Variants in SH2B1 observed in about 807,000 individuals in gnomAD.
The protein encoded by SH2B1 is SH2B adaptor protein 1.
In SH2B1, 15 loss-of-function variants were observed where a neutral mutation model predicts 62.6. The observed-to-expected ratio is 0.24, with a 90% CI of 0.16 to 0.37. The LOEUF is 0.37. Ranked by LOEUF, SH2B1 falls within the 10% of genes least tolerant of loss-of-function variation. The pLI is 1.00. For missense variants in SH2B1, 925 were observed against 1,015.6 expected, an observed-to-expected ratio of 0.91 and a Z score of 1.21; for synonymous variants, 443 against 438.0, an observed-to-expected ratio of 1.01 and a Z score of -0.14.
rs1962578469 is a variant in SH2B1, at chr16:28,864,482, A to G, written c.-1613A>G. ...TGCTCCATGACTCCTGCATCTCCTG[A>G]TTGTTTCTCGTTGGTTTGGAGTTGT... is the stretch of plus-strand genomic sequence containing the variant. On this transcript the variant is annotated 5_prime_UTR_variant, in exon 1 of 8. Transcript: ENST00000684370. 1.0e-6 allele frequency: 1 copy of G among 985,086 alleles called. No individual in the cohort carries two copies. The highest frequency in any genetic ancestry group is 4.7e-5 in the South Asian group (1 of 21,284). 61.0% of individuals were successfully genotyped at this position (985,086 alleles called of 1,614,324 possible). A position where few individuals can be genotyped will look rare whatever the true frequency, so the allele number is the denominator to read the frequency against.
At chr16:28,850,097 A>G (rs968165974) in intron 1 of SH2B1, among the ~76,000 whole-genome samples, 52 of 152,180 alleles carry the variant, frequency 3.4e-4, no homozygotes, top group African/African-American at 1.2e-3. Flanking sequence ...CTCAGTCAGA[A>G]GTCTTGACTT....
At chr16:28,850,862 G>GA (rs565938904) in intron 1 of SH2B1, among the ~76,000 whole-genome samples, 5,504 of 70,986 alleles carry the variant, frequency 0.078, 391 homozygotes, top group African/African-American at 0.2. Context: ...GACTCCATCT[G>GA]AAAAAAAAAA....
intron 1 of SH2B1, among the ~76,000 whole-genome samples, chr16:28,855,126 G>A (rs937052731): frequency 3.4e-5 from 5 of 147,706 alleles, no homozygotes; most frequent in African/African-American, 7.5e-5. Context: ...TGCCCACCTT[G>A]GCCTCTGAAG....
In SH2B1 at chr16:28,864,784, A is replaced by G. The variant is rs1962595497; in HGVS notation, c.-1311A>G. ...CCTTGAGAGGGCTCCTCCTTTCTCT[A>G]ATTTCTATTTTAGAAAATTGGAACA... On this transcript the variant is annotated 5_prime_UTR_variant, in exon 1 of 8. Transcript: ENST00000684370. 1 of 456,282 alleles carries G rather than the reference A, an allele frequency of 2.2e-6. No homozygotes were observed. Among genetic ancestry groups the G allele is most frequent in the Non-Finnish European group, 2.9e-6 (1 of 346,926 alleles). The allele number at this position is 456,282 out of a possible 1,614,324, so 28.3% of individuals were successfully genotyped here.
intron 4 of SH2B1, 79 bp downstream of exon 4, chr16:28,869,462 C>T (rs1021974222): frequency 7.7e-7 from 1 of 1,300,606 alleles, no homozygotes; most frequent in Non-Finnish European, 1.1e-6. Context: ...CATGCCCTCT[C>T]CAGACGCCAC....
chr16:28,855,615 G>A (rs1027185533), intron 1 of SH2B1, among the ~76,000 whole-genome samples: 2 of 144,550 alleles, frequency 1.4e-5, no homozygotes, highest in Admixed American at 1.4e-4. Context: ...TCACCAGCTC[G>A]TGGCACTAAG....
At position 28,869,012 on chromosome 16, in the gene SH2B1, G is replaced by A. The variant is rs1962884308; in HGVS notation, c.1048G>A (p.Gly350Ser). 6.2e-7 allele frequency: 1 copy of A among 1,613,868 alleles called. No individual in the cohort carries two copies. Among genetic ancestry groups the A allele is most frequent in the South Asian group, 1.1e-5 (1 of 91,082 alleles). The change falls in exon 3 of 8, where the codon GGT becomes AGT. Residue 350 changes from glycine (G) to serine (S), a missense_variant. This residue lies in a region of SH2B1 where 683 missense variants were observed against 704.0 expected (regional missense o/e 0.97). Transcript: ENST00000684370. ...CGTCGTCTCATCTCTGTAGGTGGAA[G>A]GTCCATCCGAGTATATCATGGAGAC... Reference protein sequence around the residue: ...RENTFVVKVEGPSEYIMETVD... With the variant: ...RENTFVVKVESPSEYIMETVD...
intron 4 of SH2B1, among the ~76,000 whole-genome samples, chr16:28,871,109 C>T (rs1180045435): frequency 6.6e-6 from 1 of 152,008 alleles, no homozygotes; most frequent in African/African-American, 2.4e-5. Context: ...CCTCTGCCTC[C>T]CGGGTTCAAG....
At chr16:28,868,418 G>A (rs1045039001) in intron 2 of SH2B1, among the ~76,000 whole-genome samples, 51 of 152,164 alleles carry the variant, frequency 3.4e-4, no homozygotes, top group African/African-American at 1.1e-3. Context: ...GGGATTATAG[G>A]CGTGAGCCAC....
rs1962189268 is a variant in SH2B1 at position 28,852,805 on chromosome 16, T to TA, written c.-301+5978_-301+5979insA. Among the ~76,000 whole-genome samples, 12 of 59,620 alleles carry TA rather than the reference T, an allele frequency of 2.0e-4. 3 individuals carry two copies. The highest frequency in any genetic ancestry group is 2.4e-4 in the Non-Finnish European group (9 of 37,698). 39.1% of individuals were successfully genotyped at this position (59,620 alleles called of 152,430 possible). A position where few individuals can be genotyped will look rare whatever the true frequency, so the allele number is the denominator to read the frequency against. ...ATTTACATATATATTTACATATATATTTACATATATTTACATATATATTTA... is the reference window on the plus strand; with the variant it reads ...ATTTACATATATATTTACATATATATATTACATATATTTACATATATATTTA... On this transcript the variant is annotated intron_variant, in intron 1 of 10. Coordinates refer to the SH2B1 transcript ENST00000322610.
rs1962589540 is a variant in SH2B1 at position 28,864,693 on chromosome 16, G to A, written c.-1402G>A. On this transcript the variant is annotated 5_prime_UTR_variant, in exon 1 of 8. Coordinates refer to ENST00000684370, the MANE Select transcript of SH2B1 (RefSeq NM_001387430.1). ...CACCTTCCAGTATTGCGTGGCGGGA[G>A]GAGCGCTAACAAGAGCCAAGGGTTG... 2.0e-6 allele frequency: 2 copies of A among 984,174 alleles called. No homozygotes were observed. The highest frequency in any genetic ancestry group is 4.7e-5 in the South Asian group (1 of 21,258). 61.0% of individuals were successfully genotyped at this position (984,174 alleles called of 1,614,324 possible). A position where few individuals can be genotyped will look rare whatever the true frequency, so the allele number is the denominator to read the frequency against.
At chr16:28,871,008 TG>T (rs1962994620) in intron 4 of SH2B1, among the ~76,000 whole-genome samples, 2 of 150,788 alleles carry the variant, frequency 1.3e-5, no homozygotes, top group African/African-American at 4.9e-5. Context: ...TGTGTGTGTG[TG>T]TGTGTGTGTG....
At chr16:28,858,281 G>GT (rs1962366583) in intron 1 of SH2B1, among the ~76,000 whole-genome samples, 1 of 151,984 alleles carries the variant, frequency 6.6e-6, no homozygotes. Context: ...GGGAGGCAGG[G>GT]GTAGGTGGCT....
intron 1 of SH2B1, among the ~76,000 whole-genome samples, chr16:28,852,735 C>CATATATATTT (rs1962179941): frequency 2.6e-4 from 8 of 30,476 alleles, no homozygotes; most frequent in African/African-American, 1.0e-3. Flanking sequence ...TATATATATA[C>CATATATATTT]ATATATATAT....
chr16:28,871,369 C>T (rs762602708), intron 4 of SH2B1, among the ~76,000 whole-genome samples: 1 of 152,116 alleles, frequency 6.6e-6, no homozygotes, highest in Non-Finnish European at 1.5e-5. Context: ...CACGGTGGCT[C>T]ACGCCTGTAA....
chr16:28,865,513 C>G lies in SH2B1; in HGVS notation c.-582C>G, dbSNP rs927067028. On this transcript the variant is annotated 5_prime_UTR_variant, in exon 1 of 8. Coordinates refer to ENST00000684370, the MANE Select transcript of SH2B1 (RefSeq NM_001387430.1). ...TGGCTGAGGCTGGCCCAGCCGGGCC[C>G]TGGGGACAGGGACTATGAAGTGGGG... 1 of 985,520 alleles carries G rather than the reference C, an allele frequency of 1.0e-6. No homozygotes were observed. Among genetic ancestry groups the G allele is most frequent in the African/African-American group, 1.7e-5 (1 of 57,236 alleles). 61.0% of individuals were successfully genotyped at this position (985,520 alleles called of 1,614,324 possible). A position where few individuals can be genotyped will look rare whatever the true frequency, so the allele number is the denominator to read the frequency against.
intron 1 of SH2B1, among the ~76,000 whole-genome samples, chr16:28,853,874 G>A (rs913131879): frequency 6.6e-6 from 1 of 151,442 alleles, no homozygotes; most frequent in African/African-American, 2.4e-5. Context: ...GGTGGTGCAC[G>A]CCTGTAGTCC....
chr16:28,872,912 G>A lies in SH2B1; in HGVS notation c.1897+207G>A, dbSNP rs532645884. 164 of 731,136 alleles carry A rather than the reference G, an allele frequency of 2.2e-4. No individual in the cohort carries two copies. Among genetic ancestry groups the A allele is most frequent in the East Asian group, 4.0e-4 (15 of 37,094 alleles). 45.3% of individuals were successfully genotyped at this position (731,136 alleles called of 1,614,324 possible). ...ACAGGAAGGCAGAAGGCTCCTGGCCGGAGCCGGGGCGGCAGCTGAGAGGTG... is the reference window on the plus strand; with the variant it reads ...ACAGGAAGGCAGAAGGCTCCTGGCCAGAGCCGGGGCGGCAGCTGAGAGGTG... On this transcript the variant is annotated intron_variant, in intron 7 of 7. Coordinates refer to ENST00000684370, the MANE Select transcript of SH2B1 (RefSeq NM_001387430.1). This position sits in a 1 kb window ranked among gnomAD's most constrained non-coding sequence, Gnocchi z 5.3.
At chr16:28,868,191 G>A (rs1411952598) in intron 2 of SH2B1, among the ~76,000 whole-genome samples, 2 of 151,568 alleles carry the variant, frequency 1.3e-5, no homozygotes, top group Non-Finnish European at 1.5e-5. Context: ...CCAGGCTGGA[G>A]TGCAGTGGCG....
Sources: allele counts gnomAD v4.1 joint callset (sites outside exome capture counted in the v4.1 genomes callset), GRCh38; gene constraint gnomAD v4.1.1; regional missense constraint gnomAD v4.1.1; non-coding constraint Gnocchi (gnomAD v3.1); transcripts MANE v1.5; gene names NCBI Gene and HGNC (gene_info 2026-07-23, HGNC 2026-07-21).